Variants in DICER1 observed in about 807,000 individuals in gnomAD.
DICER1 encodes endoribonuclease Dicer.
DICER1 carries 43 observed loss-of-function variants against 194.1 expected under a neutral mutation model. The observed-to-expected ratio is 0.22, with a 90% CI of 0.17 to 0.29. The LOEUF (loss-of-function observed/expected upper bound fraction) is 0.29, where lower values mean the gene tolerates loss of function less well. Ranked by LOEUF, DICER1 falls within the 10% of genes least tolerant of loss-of-function variation. The pLI, the probability that DICER1 is intolerant of heterozygous loss-of-function variation, is 1.00. For missense variants in DICER1, 1,608 were observed against 2,317.0 expected (o/e 0.69, Z 6.28); for synonymous variants, 832 against 820.5 (o/e 1.01, Z -0.24).
Position 95,124,353 on chromosome 14 carries a change from C to A in DICER1, c.1219G>T (p.Asp407Tyr), listed in dbSNP as rs1893204441. ...SVEWYNNRNQDNYVSWSDSED... is the reference protein window; with the variant it reads ...SVEWYNNRNQYNYVSWSDSED... ...GAATCACTCCATGACACATAATTAT[C>A]CTGATTTCTATTATTATACCACTCA... Residue 407 changes from aspartate to tyrosine, a missense_variant, in exon 8 of 27, where the codon GAT becomes TAT. Asp to Tyr is a radical substitution (Grantham distance 160). This residue lies in a region of DICER1 where 657 missense variants were observed against 910.1 expected (regional missense o/e 0.72). Transcript: ENST00000343455. The surrounding 1 kb of genome is among the most constrained non-coding windows in gnomAD (Gnocchi z 4.5). The A allele has an allele frequency of 6.2e-7, 1 of 1,613,920 alleles. No individual in the cohort carries two copies. Among genetic ancestry groups the A allele is most frequent in the Non-Finnish European group, 8.5e-7 (1 of 1,179,874 alleles).
chr14:95,153,328 T>C (rs1049113254), intron 1 of DICER1, among the ~76,000 whole-genome samples: 2 of 152,172 alleles, frequency 1.3e-5, no homozygotes, highest in African/African-American at 4.8e-5. Flanking sequence ...GTCAACAGCC[T>C]GAATGAGACA....
At position 95,115,664 on chromosome 14, in the gene DICER1, T is replaced by C. The variant is rs759764582; in HGVS notation, c.1907+3A>G. ...TTTCCACACAAATGATATGATGCCATACCTATTGATGTGTCCAATGGCCGT... is the reference window on the plus strand; with the variant it reads ...TTTCCACACAAATGATATGATGCCACACCTATTGATGTGTCCAATGGCCGT... On this transcript the variant is annotated splice_donor_region_variant and intron_variant, in intron 11 of 26. Transcript: ENST00000343455. 3.7e-6 allele frequency: 6 copies of C among 1,614,104 alleles called. No individual in the cohort carries two copies. The South Asian group carries it at 6.6e-5, about 18-fold the overall frequency.
Position 95,095,674 on chromosome 14 carries a change from A to T in DICER1, c.5095+151T>A, listed in dbSNP as rs1239206346. ...TGCTCCCCAAATAACAAGGAAAAGA[A>T]TTCTTTCTATTCCTTTTGTTCCCCG... On this transcript the variant is annotated intron_variant, in intron 23 of 26. Coordinates refer to ENST00000343455, the MANE Select transcript of DICER1 (RefSeq NM_177438.3). 8 of 893,518 alleles carry T rather than the reference A, an allele frequency of 9.0e-6. No homozygotes were observed. In the East Asian group the frequency reaches 2.1e-4, roughly 24 times the overall value. 55.3% of individuals were successfully genotyped at this position (893,518 alleles called of 1,614,324 possible).
At chr14:95,138,688 AC>A (rs1176051636) in intron 1 of DICER1, among the ~76,000 whole-genome samples, 5 of 151,860 alleles carry the variant, frequency 3.3e-5, no homozygotes, top group Non-Finnish European at 7.4e-5. Context: ...CAGATTATTC[AC>A]CCAGCTTCTC....
intron 15 of DICER1, 114 bp from the exon 16 acceptor site, chr14:95,108,207 C>T (rs1891628033): frequency 3.8e-6 from 5 of 1,300,442 alleles, no homozygotes; most frequent in African/African-American, 1.5e-5. Context: ...AGAGGCACCT[C>T]GATCTTTAAA....
At chr14:95,125,139 A>T (rs1172183044) in intron 7 of DICER1, among the ~76,000 whole-genome samples, 2 of 152,226 alleles carry the variant, frequency 1.3e-5, no homozygotes, top group African/African-American at 4.8e-5. Flanking sequence ...GTCGATCTAC[A>T]GTCAGCACCT....
intron 8 of DICER1, among the ~76,000 whole-genome samples, chr14:95,123,469 C>A (rs923503148): frequency 6.6e-6 from 1 of 152,204 alleles, no homozygotes; most frequent in Admixed American, 6.5e-5. Flanking sequence ...ACTGCCCAGG[C>A]TGGAGTGCAG....
intron 1 of DICER1, among the ~76,000 whole-genome samples, chr14:95,146,731 G>C (rs905038427): frequency 2.6e-5 from 4 of 152,160 alleles, no homozygotes; most frequent in African/African-American, 9.7e-5. Context: ...CCAAGTGGGA[G>C]GGTAGCATAG....
At chr14:95,092,945 G>A (rs530946005) in intron 24 of DICER1, among the ~76,000 whole-genome samples, 4 of 152,216 alleles carry the variant, frequency 2.6e-5, no homozygotes, top group African/African-American at 7.2e-5. Flanking sequence ...GCACAGAGGC[G>A]CGTTAAAGTA....
At position 95,149,755 on chromosome 14, in the gene DICER1, G is replaced by A. The variant is rs117440859; in HGVS notation, c.-46+7475C>T. Among the ~76,000 whole-genome samples the A allele has an allele frequency of 4.0e-3, 613 of 152,198 alleles. 4 individuals are homozygous for A. Among genetic ancestry groups the A allele is most frequent in the Non-Finnish European group, 7.2e-3 (487 of 68,006 alleles). On this transcript the variant is annotated intron_variant, in intron 1 of 26. Coordinates refer to ENST00000343455, the MANE Select transcript of DICER1 (RefSeq NM_177438.3). ...TGAATAATTTTTTATTAATTAATTC[G>A]ATGTTGAGAATAAGCTTTATTGATC...
At chr14:95,098,050 T>C (rs1326299370) in intron 22 of DICER1, among the ~76,000 whole-genome samples, 1 of 152,108 alleles carries the variant, frequency 6.6e-6, no homozygotes, top group Non-Finnish European at 1.5e-5. Context: ...AAAAACCTTC[T>C]GTATCTTTAG....
chr14:95,139,725 G>A (rs546269507), intron 1 of DICER1, among the ~76,000 whole-genome samples: 13 of 152,134 alleles, frequency 8.5e-5, no homozygotes, highest in Admixed American at 4.6e-4. Flanking sequence ...ATTTCTATTC[G>A]GTTTGGAAAC....
chr14:95,094,979 G>A lies in DICER1; in HGVS notation c.5096-823C>T, dbSNP rs115092431. ...CCAGCAGAATGTAGTCGAAAGCCAC[G>A]TATCATTTTTCCTCCATAACGAAAA... On this transcript the variant is annotated intron_variant, in intron 23 of 26. Transcript: ENST00000343455. Among the ~76,000 whole-genome samples the A allele has an allele frequency of 1.9e-3, 286 of 152,308 alleles. 1 individual carries two copies. Among genetic ancestry groups the A allele is most frequent in the African/African-American group, 6.1e-3 (255 of 41,572 alleles).
At chr14:95,118,891 T>C (rs1046992302) in intron 8 of DICER1, among the ~76,000 whole-genome samples, 1 of 152,090 alleles carries the variant, frequency 6.6e-6, no homozygotes, top group African/African-American at 2.4e-5. Flanking sequence ...GCACAACACT[T>C]GCGTGTCTAG....
chr14:95,103,505 A>G lies in DICER1; in HGVS notation c.3891T>C (p.Ile1297=). 6.2e-7 allele frequency: 1 copy of G among 1,614,206 alleles called. No homozygotes were observed. Among genetic ancestry groups the G allele is most frequent in the Non-Finnish European group, 8.5e-7 (1 of 1,180,030 alleles). The change falls in exon 21 of 27, where the codon ATT becomes ATC. Residue 1297 remains isoleucine (I), a synonymous_variant. Coordinates refer to ENST00000343455, the MANE Select transcript of DICER1 (RefSeq NM_177438.3). The part of the protein sequence containing the change: ...SRTLGPNPGL[I]LQALTLSNAS... ...CGTTTGACAGAGTCAAAGCCTGAAG[A>G]ATAAGTCCAGGATTGGGGCCAAGAG...
In DICER1 at chr14:95,132,600, T is replaced by A. The variant is rs756159886; in HGVS notation, c.222A>T (p.Ala74=). The change falls in exon 3 of 27, where the codon GCA becomes GCT. Residue 74 remains alanine (A), a synonymous_variant. Coordinates refer to ENST00000343455, the MANE Select transcript of DICER1 (RefSeq NM_177438.3). ...AGGACAGCTCTTTAGTGAGTAGTAC[T>A]GCAATAAATGTCTTCCCTGAGCCAG... ...LNTGSGKTFI[A]VLLTKELSYQ... 6.2e-7 allele frequency: 1 copy of A among 1,613,706 alleles called. No individual in the cohort carries two copies. Among genetic ancestry groups the A allele is most frequent in the Admixed American group, 1.7e-5 (1 of 60,026 alleles).
intron 22 of DICER1, among the ~76,000 whole-genome samples, chr14:95,098,007 T>TA (rs1566758981): frequency 6.6e-6 from 1 of 152,154 alleles, no homozygotes; most frequent in African/African-American, 2.4e-5. Flanking sequence ...CTGCGATTTT[T>TA]AAAAAATCAG....
At position 95,108,332 on chromosome 14, in the gene DICER1, T is replaced by C. The variant is rs1555370881; in HGVS notation, c.2428A>G (p.Ile810Val). 4.3e-6 allele frequency: 7 copies of C among 1,613,984 alleles called. No individual in the cohort carries two copies. Among genetic ancestry groups the C allele is most frequent in the Non-Finnish European group, 5.9e-6 (7 of 1,179,956 alleles). ...RCFGILTAKP[I>V]PQIPHFPVYT... ...CATTATGAAATACCTACCTGAGGTA[T>C]GGGTTTGGCCGTCAGTATTCCAAAG... is the stretch of plus-strand genomic sequence containing the variant. The change falls in exon 15 of 27, where the codon ATA becomes GTA. Residue 810 changes from isoleucine to valine, a missense_variant. By Grantham distance (29) the Ile-to-Val change is conservative. This residue lies in a region of DICER1 where 150 missense variants were observed against 216.0 expected (regional missense o/e 0.69). Transcript: ENST00000343455.
At chr14:95,097,919 T>C (rs1890506546) in intron 22 of DICER1, among the ~76,000 whole-genome samples, 1 of 152,198 alleles carries the variant, frequency 6.6e-6, no homozygotes. Context: ...TCAAGGAACA[T>C]TTCCTGCTAA....
Sources: gnomAD v4.1 joint callset for allele counts (sites outside exome capture counted in the v4.1 genomes callset) on GRCh38, gnomAD v4.1.1 for gene constraint, gnomAD v4.1.1 regional missense constraint, Gnocchi (gnomAD v3.1) non-coding constraint, MANE v1.5 for transcripts, NCBI Gene and HGNC (gene_info 2026-07-23, HGNC 2026-07-21) for gene names.